The following MSI2 variants were observed in gnomAD, a reference collection of about 807,000 sequenced individuals.
The protein encoded by MSI2 is RNA-binding protein Musashi homolog 2.
MSI2 carries 17 observed loss-of-function variants against 45.6 expected under a neutral mutation model. The ratio of observed to expected loss-of-function variants is 0.37; its 90% confidence interval spans 0.26 to 0.56. The LOEUF is 0.56. Among genes scored for constraint, MSI2 ranks in the 20% least tolerant of loss-of-function variants. The probability of loss-of-function intolerance (pLI) is 0.77; values close to 1 mark genes in which losing one functional copy is unlikely to be tolerated. For synonymous variants in MSI2, 156 were observed against 158.2 expected (o/e 0.99, Z 0.11); for missense variants, 293 against 444.2 (o/e 0.66, Z 3.06).
the MSI2 span, among the ~76,000 whole-genome samples, chr17:57,693,008 C>T: frequency 5.6e-4 from 85 of 151,530 alleles, no homozygotes; most frequent in Non-Finnish European, 1.1e-3. Flanking sequence ...GAGACATTCT[C>T]ATCCATTATT....
intron 5 of MSI2, among the ~76,000 whole-genome samples, chr17:57,319,590 A>C (rs1334084481): frequency 6.6e-6 from 1 of 152,074 alleles, no homozygotes; most frequent in Non-Finnish European, 1.5e-5. Context: ...TTCTCAATTA[A>C]TCCTGAACAA....
Position 57,560,914 on chromosome 17 carries a change from G to A in MSI2, c.454+31190G>A, listed in dbSNP as rs576807501. On this transcript the variant is annotated intron_variant, in intron 7 of 13. Transcript: ENST00000284073. ...CCAGGAAAGGAGGCAAGCCAGTTTC[G>A]CCCCAGTGGAACTGGGGCAGGAATA... is the stretch of plus-strand genomic sequence containing the variant. Among the ~76,000 whole-genome samples, 6 of 152,274 alleles carry A rather than the reference G, an allele frequency of 3.9e-5. No homozygotes were observed. The South Asian group carries it at 1.2e-3, about 32-fold the overall frequency.
chr17:57,335,088 C>T (rs1848094520), intron 5 of MSI2, among the ~76,000 whole-genome samples: 1 of 151,960 alleles, frequency 6.6e-6, no homozygotes, highest in South Asian at 2.1e-4. Flanking sequence ...TTGCACTGAC[C>T]AGGAATCCGT....
chr17:57,514,856 C>T (rs949565611), intron 6 of MSI2, among the ~76,000 whole-genome samples: 3 of 151,864 alleles, frequency 2.0e-5, no homozygotes, highest in Non-Finnish European at 4.4e-5. Flanking sequence ...GAAGGAATGC[C>T]GAGTCCTCAA....
chr17:57,529,780 T>C lies in MSI2; in HGVS notation c.454+56T>C. On this transcript the variant is annotated intron_variant, in intron 7 of 13. Transcript: ENST00000284073. The surrounding 1 kb of genome is among the most constrained non-coding windows in gnomAD (Gnocchi z 5.3). ...TTCACCCTCTCCTGGCCTCTCTGTC[T>C]GTCATCCCCAGTCCCACTGACAAAA... 7.0e-7 allele frequency: 1 copy of C among 1,437,636 alleles called. No homozygotes were observed. Among genetic ancestry groups the C allele is most frequent in the Non-Finnish European group, 9.7e-7 (1 of 1,035,780 alleles). 89.1% of individuals were successfully genotyped at this position (1,437,636 alleles called of 1,614,324 possible).
intron 6 of MSI2, among the ~76,000 whole-genome samples, chr17:57,524,064 A>T (rs1598363108): frequency 2.0e-5 from 3 of 152,214 alleles, no homozygotes; most frequent in African/African-American, 4.8e-5. Flanking sequence ...CTGTCCACCC[A>T]TCTAGGCTGG....
intron 8 of MSI2, among the ~76,000 whole-genome samples, chr17:57,608,901 G>A (rs953873024): frequency 2.0e-5 from 3 of 152,212 alleles, no homozygotes; most frequent in African/African-American, 7.2e-5. Flanking sequence ...TCTCCAGAAA[G>A]GCTTGTGATT....
chr17:57,500,849 G>C (rs1051771064), intron 6 of MSI2, among the ~76,000 whole-genome samples: 3 of 149,692 alleles, frequency 2.0e-5, no homozygotes, highest in Non-Finnish European at 4.4e-5. Context: ...TGTAGTCCCA[G>C]CTACTTGGGA....
intron 5 of MSI2, among the ~76,000 whole-genome samples, chr17:57,275,312 C>T (rs1013164621): frequency 2.6e-5 from 4 of 152,126 alleles, no homozygotes; most frequent in Admixed American, 1.3e-4. Context: ...CTGGATGGTC[C>T]AAGAGGAGAG....
intron 8 of MSI2, among the ~76,000 whole-genome samples, chr17:57,610,104 C>T (rs528054663): frequency 2.6e-5 from 4 of 152,220 alleles, no homozygotes; most frequent in Middle Eastern, 3.4e-3. Flanking sequence ...GCTATGATTA[C>T]GTAAGAAAAT....
At chr17:57,276,205 A>T in intron 5 of MSI2, among the ~76,000 whole-genome samples, 1 of 152,208 alleles carries the variant, frequency 6.6e-6, no homozygotes, top group East Asian at 1.9e-4. Context: ...ATTTCAGCAC[A>T]TGAAAGTGGC....
chr17:57,564,157 G>C (rs1052157223), intron 7 of MSI2, among the ~76,000 whole-genome samples: 2 of 152,246 alleles, frequency 1.3e-5, no homozygotes, highest in East Asian at 3.8e-4. Flanking sequence ...CCATGTGTTT[G>C]TGGATTTCTT....
intron 9 of MSI2, among the ~76,000 whole-genome samples, chr17:57,623,784 G>C (rs1908532192): frequency 6.6e-6 from 1 of 152,228 alleles, no homozygotes; most frequent in African/African-American, 2.4e-5. Flanking sequence ...TTGATATGCA[G>C]CCAGCCAATT....
At chr17:57,517,822 G>C (rs1328874917) in intron 6 of MSI2, among the ~76,000 whole-genome samples, 1 of 152,064 alleles carries the variant, frequency 6.6e-6, no homozygotes, top group African/African-American at 2.4e-5. Context: ...AAAGTGGTGG[G>C]GCTCTGGGAC....
chr17:57,546,084 G>C (rs575118537), intron 7 of MSI2, among the ~76,000 whole-genome samples: 1 of 152,300 alleles, frequency 6.6e-6, no homozygotes, highest in South Asian at 2.1e-4. Flanking sequence ...AGATTCCGGG[G>C]CGATTATGCC....
intron 5 of MSI2, among the ~76,000 whole-genome samples, chr17:57,331,366 G>C (rs1018080339): frequency 3.9e-5 from 6 of 152,174 alleles, no homozygotes; most frequent in African/African-American, 1.4e-4. Flanking sequence ...CTCTGAGCTG[G>C]GGAGGGGGCA....
chr17:57,542,161 G>A (rs1567888620), intron 7 of MSI2, among the ~76,000 whole-genome samples: 1 of 152,136 alleles, frequency 6.6e-6, no homozygotes, highest in African/African-American at 2.4e-5. Context: ...TTGCCACCCC[G>A]CTGCTGGGTG....
At chr17:57,576,017 T>C (rs1389849055) in intron 7 of MSI2, among the ~76,000 whole-genome samples, 7 of 151,898 alleles carry the variant, frequency 4.6e-5, no homozygotes, top group Non-Finnish European at 8.8e-5. Context: ...CCCTGGCGTA[T>C]TTTTCTTACT....
intron 6 of MSI2, among the ~76,000 whole-genome samples, chr17:57,458,878 G>T (rs543923804): frequency 6.6e-6 from 1 of 152,210 alleles, no homozygotes; most frequent in Non-Finnish European, 1.5e-5. Flanking sequence ...GCCTGTCCCT[G>T]CTCCGCGGTT....
Sources: allele counts gnomAD v4.1 joint callset (sites outside exome capture counted in the v4.1 genomes callset), GRCh38; gene constraint gnomAD v4.1.1; non-coding constraint Gnocchi (gnomAD v3.1); transcripts MANE v1.5; gene names NCBI Gene and HGNC (gene_info 2026-07-23, HGNC 2026-07-21).